The following TAFA4 variants were observed in gnomAD, a reference collection of about 807,000 sequenced individuals.
TAFA4 encodes TAFA chemokine like family member 4.
TAFA4 carries 20 observed loss-of-function variants against 21.1 expected under a neutral mutation model. That is an observed-to-expected ratio of 0.95 (90% CI 0.67 to 1.38). The LOEUF (loss-of-function observed/expected upper bound fraction) is 1.38, where lower values mean the gene tolerates loss of function less well. TAFA4 is among the 40% of genes most tolerant of loss of function. The pLI is 0.00. For missense variants in TAFA4, 211 were observed against 180.9 expected, an observed-to-expected ratio of 1.17 and a Z score of -0.95; for synonymous variants, 71 against 67.4, an observed-to-expected ratio of 1.05 and a Z score of -0.26.
At chr3:68,789,381 ACAAAGTTTGC>A in intron 3 of TAFA4, among the ~76,000 whole-genome samples, 1 of 152,244 alleles carries the variant, frequency 6.6e-6, no homozygotes, top group South Asian at 2.1e-4. Context: ...TGTTTTAATG[ACAAAGTTTGC>A]TAAGAGAGTA....
intron 1 of TAFA4, chr3:68,913,534 C>T (rs1271689613): frequency 6.6e-6 from 1 of 152,196 alleles, no homozygotes; most frequent in African/African-American, 2.4e-5. Context: ...CAGGGAAAGG[C>T]TGCCAAAGAC....
At chr3:68,851,565 G>T (rs948856645) in intron 3 of TAFA4, among the ~76,000 whole-genome samples, 14 of 152,196 alleles carry the variant, frequency 9.2e-5, no homozygotes, top group South Asian at 2.1e-4. Flanking sequence ...AAAAGAGAGA[G>T]ATATTTTAGC....
chr3:68,887,113 T>G (rs2106959549), intron 1 of TAFA4, among the ~76,000 whole-genome samples: 1 of 152,282 alleles, frequency 6.6e-6, no homozygotes, highest in Admixed American at 6.5e-5. Context: ...CAAAACAAGT[T>G]ATCTACTTCC....
At chr3:68,900,894 T>C (rs1355294329) in intron 1 of TAFA4, among the ~76,000 whole-genome samples, 6 of 152,200 alleles carry the variant, frequency 3.9e-5, no homozygotes. Flanking sequence ...CAACTACTGC[T>C]TTCACTAAGG....
chr3:68,790,340 C>T (rs1049606736), intron 3 of TAFA4, among the ~76,000 whole-genome samples: 9 of 151,542 alleles, frequency 5.9e-5, no homozygotes, highest in Admixed American at 2.6e-4. Flanking sequence ...AAAAATTATT[C>T]AAATAAAAGA....
At chr3:68,795,231 G>T (rs141592598) in intron 3 of TAFA4, among the ~76,000 whole-genome samples, 108 of 151,490 alleles carry the variant, frequency 7.1e-4, no homozygotes, top group African/African-American at 2.5e-3. Context: ...ACTGATAACA[G>T]AGAGGGTACA....
In TAFA4 at chr3:68,767,743, ATC is replaced by A. The variant is rs533115542; in HGVS notation, c.131-14727_131-14726del. ...AGACAGATGATTTTCAAGCCATAGT[ATC>A]TTACATTCATAGGTAAGTCCTTATA... is the stretch of plus-strand genomic sequence containing the variant. On this transcript the variant is annotated intron_variant, in intron 3 of 5. Coordinates refer to ENST00000295569, the MANE Select transcript of TAFA4 (RefSeq NM_182522.5). Among the ~76,000 whole-genome samples the A allele has an allele frequency of 4.8e-3, 738 of 152,176 alleles. 8 individuals are homozygous for A. Among genetic ancestry groups the A allele is most frequent in the African/African-American group, 0.017 (689 of 41,540 alleles).
chr3:68,866,697 A>G (rs577719791), intron 3 of TAFA4, among the ~76,000 whole-genome samples: 2 of 150,492 alleles, frequency 1.3e-5, no homozygotes, highest in Admixed American at 1.3e-4. Flanking sequence ...ACTCACAAAA[A>G]AAAAAACTCA....
At chr3:68,764,980 C>G (rs1007299724) in intron 3 of TAFA4, among the ~76,000 whole-genome samples, 1 of 152,028 alleles carries the variant, frequency 6.6e-6, no homozygotes, top group Non-Finnish European at 1.5e-5. Flanking sequence ...GAGTGACAGC[C>G]AAGTGTGTGG....
At chr3:68,899,010 A>C (rs536521406) in intron 1 of TAFA4, among the ~76,000 whole-genome samples, 1 of 152,174 alleles carries the variant, frequency 6.6e-6, no homozygotes, top group Non-Finnish European at 1.5e-5. Context: ...AGAAAGCCCA[A>C]CTCAGAGTAT....
In TAFA4 at chr3:68,753,014, G is replaced by A. The variant is rs760885189; in HGVS notation, c.135C>T (p.His45=). The change falls in exon 4 of 6, where the codon CAC becomes CAT. Residue 45 remains histidine (H), a synonymous_variant. Transcript: ENST00000295569. ...SSQHLRGHAG[H]HQIKQGTCEV... is the part of the protein sequence containing the mutation. ...CACAGGTCCCTTGCTTGATTTGGTG[G>A]TGACCTAGTTGGTAATGGGGGAGAA... The A allele has an allele frequency of 1.9e-6, 3 of 1,613,074 alleles. No individual in the cohort carries two copies. The highest frequency in any genetic ancestry group is 1.7e-5 in the Admixed American group (1 of 59,988).
intron 3 of TAFA4, among the ~76,000 whole-genome samples, chr3:68,876,802 T>A (rs994441663): frequency 6.6e-6 from 1 of 151,734 alleles, no homozygotes; most frequent in Non-Finnish European, 1.5e-5. Context: ...ACAAAACAGA[T>A]AACATTCAAA....
chr3:68,919,548 C>A (rs1040646868), intron 1 of TAFA4, among the ~76,000 whole-genome samples: 1 of 152,116 alleles, frequency 6.6e-6, no homozygotes, highest in Non-Finnish European at 1.5e-5. Context: ...GCAGCCACTA[C>A]ACATACATGG....
At chr3:68,931,222 T>C (rs1025726697) in intron 1 of TAFA4, among the ~76,000 whole-genome samples, 29 of 151,970 alleles carry the variant, frequency 1.9e-4, no homozygotes, top group South Asian at 6.3e-4. Flanking sequence ...GGGAAGACCA[T>C]TGAAAAGTTA....
intron 1 of TAFA4, among the ~76,000 whole-genome samples, chr3:68,920,745 T>G (rs1158316663): frequency 6.6e-6 from 1 of 151,064 alleles, no homozygotes; most frequent in Non-Finnish European, 1.5e-5. Flanking sequence ...TCCCCTACAA[T>G]GCAGCCTAAG....
intron 3 of TAFA4, among the ~76,000 whole-genome samples, chr3:68,754,193 G>T (rs953631827): frequency 7.9e-5 from 12 of 152,166 alleles, no homozygotes; most frequent in Admixed American, 6.5e-4. Context: ...ATTAAAGATA[G>T]AAAATCTGAC....
At chr3:68,813,799 C>T (rs34975646) in intron 3 of TAFA4, among the ~76,000 whole-genome samples, 1 of 151,762 alleles carries the variant, frequency 6.6e-6, no homozygotes, top group Non-Finnish European at 1.5e-5. Context: ...AGAGGGAATC[C>T]TCCCTAACTC....
intron 3 of TAFA4, among the ~76,000 whole-genome samples, chr3:68,786,086 G>A (rs997917991): frequency 3.3e-5 from 5 of 152,130 alleles, no homozygotes; most frequent in Non-Finnish European, 7.3e-5. Context: ...TATATGGCTT[G>A]ATATCTAGAA....
chr3:68,834,986 G>A (rs1704488876), intron 3 of TAFA4, among the ~76,000 whole-genome samples: 1 of 152,062 alleles, frequency 6.6e-6, no homozygotes, highest in African/African-American at 2.4e-5. Flanking sequence ...ATCCTACTCA[G>A]GATAGAAGCC....
Sources: gnomAD v4.1 joint callset for allele counts (sites outside exome capture counted in the v4.1 genomes callset) on GRCh38, gnomAD v4.1.1 for gene constraint, MANE v1.5 for transcripts, NCBI Gene and HGNC (gene_info 2026-07-23, HGNC 2026-07-21) for gene names.